CEMIP: variants seen among roughly 807,000 people sequenced by gnomAD.
The protein encoded by CEMIP is cell migration inducing hyaluronidase 1, also known as cell migration-inducing and hyaluronan-binding protein.
Under a neutral mutation model 156.9 loss-of-function variants are expected in CEMIP, and 105 were observed. That is an observed-to-expected ratio of 0.67 (90% confidence interval 0.57 to 0.79). The LOEUF is 0.79. CEMIP is among the 30% of genes least tolerant of loss of function. CEMIP has a pLI of 0.00. For synonymous variants in CEMIP, 676 were observed against 668.4 expected (o/e 1.01, Z -0.17); for missense variants, 1,457 against 1,769.4 (o/e 0.82, Z 3.17).
At chr15:80,851,079 A>T (rs1897705420) in intron 1 of CEMIP, among the ~76,000 whole-genome samples, 1 of 152,132 alleles carries the variant, frequency 6.6e-6, no homozygotes, top group African/African-American at 2.4e-5. Context: ...TGAGTCAGGC[A>T]TTCGCCTGTG....
chr15:80,814,239 C>T (rs1322757945), intron 1 of CEMIP, among the ~76,000 whole-genome samples: 4 of 151,728 alleles, frequency 2.6e-5, no homozygotes, highest in Admixed American at 6.6e-5. Context: ...TTAGTAGAGA[C>T]GGGGTTTCAC....
Position 80,920,077 on chromosome 15 carries a change from T to G in CEMIP, c.1798-17T>G, listed in dbSNP as rs1900415428. 6.2e-7 allele frequency: 1 copy of G among 1,612,644 alleles called. No individual in the cohort carries two copies. Among genetic ancestry groups the G allele is most frequent in the Admixed American group, 1.7e-5 (1 of 60,000 alleles). ...AACTGGATGCTTGGTGAAACACCCC[T>G]GTCTTGACCCCTGCAGATCAAGGAC... On this transcript the variant is annotated splice_polypyrimidine_tract_variant and intron_variant, in intron 14 of 29. Coordinates refer to ENST00000394685, the MANE Select transcript of CEMIP (RefSeq NM_001293298.2).
intron 9 of CEMIP, 145 bp downstream of exon 9, chr15:80,888,941 G>C: frequency 1.3e-6 from 1 of 782,658 alleles, no homozygotes. Context: ...GCAACCAAAA[G>C]TTGTCTTTAA....
intron 14 of CEMIP, among the ~76,000 whole-genome samples, chr15:80,918,299 A>AT (rs1900349298): frequency 6.6e-6 from 1 of 152,118 alleles, no homozygotes; most frequent in East Asian, 1.9e-4. Flanking sequence ...GAAAAAAAAA[A>AT]GACTTGAAGG....
chr15:80,882,087 G>C (rs889888194), intron 6 of CEMIP, among the ~76,000 whole-genome samples: 1 of 152,188 alleles, frequency 6.6e-6, no homozygotes, highest in Non-Finnish European at 1.5e-5. Flanking sequence ...CATTCCTCAA[G>C]AACAGGGCCC....
chr15:80,863,176 G>T (rs558139683), intron 1 of CEMIP, among the ~76,000 whole-genome samples: 1 of 152,172 alleles, frequency 6.6e-6, no homozygotes, highest in Non-Finnish European at 1.5e-5. Flanking sequence ...TCAATTGAGG[G>T]TAATGCTTAA....
rs796068914 is a variant in CEMIP at position 80,926,836 on chromosome 15, CT to C, written c.2420+1093del. On this transcript the variant is annotated intron_variant, in intron 19 of 29. Coordinates refer to ENST00000394685, the MANE Select transcript of CEMIP (RefSeq NM_001293298.2). The stretch of plus-strand genomic sequence containing the variant: ...TGAGCGGGTGGGGGGGGGGGGTCTT[CT>C]TTTTTTTTTTTGAGATGGAGTCTTA... 1.0e-3 allele frequency among the ~76,000 whole-genome samples: 108 copies of C among 106,700 alleles called. 1 individual carries two copies. Among genetic ancestry groups the C allele is most frequent in the Admixed American group, 1.3e-3 (15 of 11,298 alleles). 70.0% of individuals were successfully genotyped at this position (106,700 alleles called of 152,430 possible).
intron 1 of CEMIP, among the ~76,000 whole-genome samples, chr15:80,863,991 A>G (rs1898054229): frequency 6.6e-6 from 1 of 150,682 alleles, no homozygotes; most frequent in South Asian, 2.1e-4. Context: ...CTCTTTTGGG[A>G]TCTGTGCTTT....
intron 1 of CEMIP, among the ~76,000 whole-genome samples, chr15:80,784,415 C>T (rs1895874570): frequency 6.6e-6 from 1 of 152,168 alleles, no homozygotes; most frequent in Non-Finnish European, 1.5e-5. Flanking sequence ...CACTCTTTGG[C>T]CCTCTCTGAG....
intron 3 of CEMIP, among the ~76,000 whole-genome samples, chr15:80,875,359 G>T (rs1212384158): frequency 6.6e-6 from 1 of 151,880 alleles, no homozygotes; most frequent in African/African-American, 2.4e-5. Flanking sequence ...TAACCCTCCA[G>T]GCAATAATTG....
chr15:80,883,585 T>C lies in CEMIP; in HGVS notation c.618-590T>C, dbSNP rs142637285. On this transcript the variant is annotated intron_variant, in intron 6 of 29. Transcript: ENST00000394685. Reference sequence around the variant, plus strand: ...GTGTGAATCAGAGATTACATTTTAATGATTCTAAGATGCATTATCATAAGA... The same window carrying C: ...GTGTGAATCAGAGATTACATTTTAACGATTCTAAGATGCATTATCATAAGA... 2.5e-4 allele frequency among the ~76,000 whole-genome samples: 38 copies of C among 152,374 alleles called. No homozygotes were observed. In the East Asian group the frequency reaches 6.9e-3, roughly 28 times the overall value.
intron 19 of CEMIP, among the ~76,000 whole-genome samples, chr15:80,928,286 G>GC (rs922465694): frequency 2.6e-5 from 4 of 151,930 alleles, no homozygotes; most frequent in African/African-American, 9.7e-5. Flanking sequence ...GCAATCAGAC[G>GC]CCCCCCAGAA....
intron 12 of CEMIP, chr15:80,897,216 A>C (rs771040413): frequency 2.2e-6 from 1 of 454,866 alleles, no homozygotes; most frequent in South Asian, 1.6e-5. Context: ...GGTTGGGAGA[A>C]AGACCATGGA....
Position 80,824,093 on chromosome 15 carries a change from G to A in CEMIP, c.-176+44479G>A, listed in dbSNP as rs147363595. On this transcript the variant is annotated intron_variant, in intron 1 of 29. Transcript: ENST00000394685. Reference sequence around the variant, plus strand: ...TAAGTCTTTTCTTTAGCCTGGGACAGCAATTAGGCTTTGTCTTGCTTATCA... The same window carrying A: ...TAAGTCTTTTCTTTAGCCTGGGACAACAATTAGGCTTTGTCTTGCTTATCA... Among the ~76,000 whole-genome samples the A allele has an allele frequency of 4.1e-3, 629 of 152,350 alleles. 3 individuals are homozygous for A. Among genetic ancestry groups the A allele is most frequent in the Non-Finnish European group, 6.7e-3 (455 of 68,032 alleles).
chr15:80,889,627 T>C, intron 10 of CEMIP, 35 bp downstream of exon 10: 2 of 1,573,846 alleles, frequency 1.3e-6, no homozygotes, highest in Non-Finnish European at 1.7e-6. Context: ...AAAATAGAAA[T>C]GTGTTGTTTT....
At chr15:80,855,069 C>T (rs1250346369) in intron 1 of CEMIP, among the ~76,000 whole-genome samples, 2 of 152,144 alleles carry the variant, frequency 1.3e-5, no homozygotes, top group East Asian at 3.9e-4. Flanking sequence ...TGCCTGTAGT[C>T]CTAGCCACTC....
chr15:80,852,004 G>A (rs1567069577), intron 1 of CEMIP, among the ~76,000 whole-genome samples: 1 of 152,142 alleles, frequency 6.6e-6, no homozygotes, highest in Non-Finnish European at 1.5e-5. Context: ...AAGAGATGAT[G>A]AGGAAGTAGA....
At chr15:80,936,999 G>T in intron 24 of CEMIP, 114 bp downstream of exon 24, 1 of 997,526 alleles carries the variant, frequency 1.0e-6, no homozygotes. Flanking sequence ...GATCCATGCA[G>T]GAGTACCTAG....
intron 1 of CEMIP, among the ~76,000 whole-genome samples, chr15:80,780,913 G>A (rs1185528048): frequency 6.6e-6 from 1 of 152,196 alleles, no homozygotes; most frequent in African/African-American, 2.4e-5. Context: ...GAGTCCGCTG[G>A]GGCCCTCGGT....
Sources: gnomAD v4.1 joint callset for allele counts (sites outside exome capture counted in the v4.1 genomes callset) on GRCh38, gnomAD v4.1.1 for gene constraint, MANE v1.5 for transcripts, NCBI Gene and HGNC (gene_info 2026-07-23, HGNC 2026-07-21) for gene names.